The following TAF2 variants were observed in gnomAD, a reference collection of about 807,000 sequenced individuals.
TAF2 encodes the protein TATA-box binding protein associated factor 2, also known as transcription initiation factor TFIID subunit 2.
In TAF2, 61 loss-of-function variants were observed where a neutral mutation model predicts 138.5. The ratio of observed to expected loss-of-function variants is 0.44; its 90% CI spans 0.36 to 0.54. The LOEUF (loss-of-function observed/expected upper bound fraction) is 0.54, where lower values mean the gene tolerates loss of function less well. Among genes scored for constraint, TAF2 ranks in the 20% least tolerant of loss-of-function variants. The pLI is 0.00. For synonymous variants in TAF2, 475 were observed against 469.9 expected (o/e 1.01, Z -0.14); for missense variants, 1,090 against 1,427.9 (o/e 0.76, Z 3.81).
At chr8:119,801,632 G>A (rs764183011) in intron 6 of TAF2, among the ~76,000 whole-genome samples, 162 bp downstream of exon 6, 18 of 152,052 alleles carry the variant, frequency 1.2e-4, no homozygotes, top group African/African-American at 3.9e-4. Context: ...GTTTTACTGT[G>A]TTAGCCAGGA....
chr8:119,745,122 G>T, intron 23 of TAF2: 2 of 423,578 alleles, frequency 4.7e-6, no homozygotes, highest in Non-Finnish European at 9.5e-6. Flanking sequence ...TAGCAACCAT[G>T]CAGATTAGAG....
chr8:119,762,551 G>A lies in TAF2; in HGVS notation c.2422C>T (p.Pro808Ser). Residue 808 changes from proline (P) to serine (S), a missense_variant, in exon 19 of 26, where the codon CCT (proline) becomes TCT (serine). By Grantham distance (74) the Pro-to-Ser change is moderately conservative. Transcript: ENST00000378164. ...ACTTCATTATTCACACTGACTGCAG[G>A]TGTAACAGAGTTGGCCAGGGCATCA... ...MIDALANSVT[P>S]AVSVNNEVRT... The A allele has an allele frequency of 1.2e-6, 2 of 1,613,762 alleles. No homozygotes were observed. The highest frequency in any genetic ancestry group is 1.7e-6 in the Non-Finnish European group (2 of 1,179,850).
intron 10 of TAF2, among the ~76,000 whole-genome samples, chr8:119,792,451 A>G (rs1216735546): frequency 6.6e-6 from 1 of 152,084 alleles, no homozygotes; most frequent in Non-Finnish European, 1.5e-5. Context: ...GCGCTGGGCC[A>G]GAAGAATTTC....
intron 14 of TAF2, among the ~76,000 whole-genome samples, chr8:119,786,743 GA>G (rs1823037766): frequency 6.6e-6 from 1 of 152,118 alleles, no homozygotes; most frequent in African/African-American, 2.4e-5. Flanking sequence ...CTAACATGGT[GA>G]AACCCTGTCT....
At chr8:119,749,600 C>T (rs1205239298) in intron 22 of TAF2, among the ~76,000 whole-genome samples, 2 of 152,154 alleles carry the variant, frequency 1.3e-5, no homozygotes, top group African/African-American at 2.4e-5. Flanking sequence ...CCTGTTAGCT[C>T]TGTGACCTTG....
At chr8:119,755,426 G>A (rs984184479) in intron 22 of TAF2, among the ~76,000 whole-genome samples, 1 of 152,118 alleles carries the variant, frequency 6.6e-6, no homozygotes, top group Non-Finnish European at 1.5e-5. Context: ...GAACCTAGGA[G>A]GTGGAGGTTG....
chr8:119,757,000 T>G (rs1010067005), intron 21 of TAF2, among the ~76,000 whole-genome samples: 1 of 152,104 alleles, frequency 6.6e-6, no homozygotes, highest in African/African-American at 2.4e-5. Context: ...AGAAATTGGG[T>G]TGTAATTCTT....
chr8:119,749,155 G>C (rs1232846866), intron 22 of TAF2, among the ~76,000 whole-genome samples: 1 of 152,080 alleles, frequency 6.6e-6, no homozygotes, highest in African/African-American at 2.4e-5. Flanking sequence ...GATGAGCTAG[G>C]GCTTTTATTT....
chr8:119,739,013 T>G (rs1167966406), intron 25 of TAF2, among the ~76,000 whole-genome samples: 7 of 115,654 alleles, frequency 6.1e-5, no homozygotes, highest in East Asian at 2.3e-4. Context: ...TAAAGAAGTT[T>G]TTTTTTTTTT....
chr8:119,794,568 A>C (rs1340096475), intron 9 of TAF2, among the ~76,000 whole-genome samples: 1 of 152,218 alleles, frequency 6.6e-6, no homozygotes, highest in Non-Finnish European at 1.5e-5. Context: ...GTATACTTTG[A>C]CCAAATAATT....
At chr8:119,820,064 C>T (rs1050737063) in intron 2 of TAF2, among the ~76,000 whole-genome samples, 1 of 152,166 alleles carries the variant, frequency 6.6e-6, no homozygotes, top group African/African-American at 2.4e-5. Context: ...TCAATCACTT[C>T]CTGTCAAGTA....
At chr8:119,827,635 T>C (rs979580729) in intron 2 of TAF2, among the ~76,000 whole-genome samples, 6 of 152,264 alleles carry the variant, frequency 3.9e-5, no homozygotes, top group South Asian at 4.1e-4. Flanking sequence ...CTTTAATTAG[T>C]AGACAATGTA....
intron 18 of TAF2, among the ~76,000 whole-genome samples, chr8:119,770,179 A>G (rs1586377816): frequency 6.6e-6 from 1 of 152,110 alleles, no homozygotes; most frequent in East Asian, 1.9e-4. Flanking sequence ...TTTAGAAAGC[A>G]TATTTGAGGA....
intron 4 of TAF2, among the ~76,000 whole-genome samples, chr8:119,804,792 C>T (rs1795335404): frequency 6.6e-6 from 1 of 152,014 alleles, no homozygotes; most frequent in African/African-American, 2.4e-5. Context: ...CAAACTTAAC[C>T]CTGGGTGACT....
intron 22 of TAF2, among the ~76,000 whole-genome samples, chr8:119,748,676 T>G (rs998693753): frequency 3.0e-4 from 46 of 152,088 alleles, no homozygotes; most frequent in African/African-American, 1.1e-3. Context: ...TAGTATTATT[T>G]TGTAGGCATT....
intron 3 of TAF2, among the ~76,000 whole-genome samples, chr8:119,815,043 C>A (rs958997282): frequency 6.6e-6 from 1 of 151,620 alleles, no homozygotes; most frequent in Non-Finnish European, 1.5e-5. Flanking sequence ...GATTACAAGG[C>A]ATGATCTCGA....
At position 119,780,934 on chromosome 8, in the gene TAF2, C is replaced by CAA. The variant is rs374156089; in HGVS notation, c.2253+117_2253+118dup. 3.8e-3 allele frequency: 2,730 copies of CAA among 718,960 alleles called. 14 individuals carry two copies. Among genetic ancestry groups the CAA allele is most frequent in the African/African-American group, 0.031 (973 of 31,622 alleles). 44.5% of individuals were successfully genotyped at this position (718,960 alleles called of 1,614,324 possible). On this transcript the variant is annotated intron_variant, in intron 17 of 25. Coordinates refer to ENST00000378164, the MANE Select transcript of TAF2 (RefSeq NM_003184.4). ...TGGGCGACAGAGTGAGACTCTGTCT[C>CAA]AAAAAAAAAAAAAAAAAAGAATGGA...
intron 17 of TAF2, among the ~76,000 whole-genome samples, chr8:119,780,680 A>C (rs1486691058): frequency 6.6e-6 from 1 of 152,204 alleles, no homozygotes; most frequent in Non-Finnish European, 1.5e-5. Context: ...TCACACCTGT[A>C]ATCTCAGCAC....
chr8:119,731,828 C>T lies in TAF2; in HGVS notation c.*96G>A. 3 of 1,250,546 alleles carry T rather than the reference C, an allele frequency of 2.4e-6. No individual in the cohort carries two copies. Among genetic ancestry groups the T allele is most frequent in the South Asian group, 1.2e-5 (1 of 82,196 alleles). The allele number at this position is 1,250,546 out of a possible 1,614,324, so 77.5% of individuals were successfully genotyped here. The stretch of plus-strand genomic sequence containing the variant: ...AGAATTTCTGTAGGAGAGGCGAATC[C>T]TTTCCCCCCTCCCTTTTATAATTCT... On this transcript the variant is annotated 3_prime_UTR_variant, in exon 26 of 26. Coordinates refer to ENST00000378164, the MANE Select transcript of TAF2 (RefSeq NM_003184.4).
Sources: gnomAD v4.1 joint callset for allele counts (sites outside exome capture counted in the v4.1 genomes callset) on GRCh38, gnomAD v4.1.1 for gene constraint, MANE v1.5 for transcripts, NCBI Gene and HGNC (gene_info 2026-07-23, HGNC 2026-07-21) for gene names.